GRK3: variants seen among roughly 807,000 people sequenced by gnomAD.
The protein encoded by GRK3 is adrenergic, beta, receptor kinase 2.
In GRK3, 54 loss-of-function variants were observed where a neutral mutation model predicts 95.7. The observed-to-expected ratio is 0.56, with a 90% CI of 0.45 to 0.71. GRK3 has a LOEUF of 0.71. Among genes scored for constraint, GRK3 ranks in the 30% least tolerant of loss-of-function variants. The pLI is 0.00. For synonymous variants in GRK3, 281 were observed against 290.8 expected (o/e 0.97, Z 0.34); for missense variants, 649 against 851.2 (o/e 0.76, Z 2.96).
At chr22:25,722,145 C>T (rs1431355982) in intron 20 of GRK3, 144 bp from the exon 21 acceptor site, 4 of 839,328 alleles carry the variant, frequency 4.8e-6, no homozygotes, top group African/African-American at 3.4e-5. Context: ...CGTGACCCAT[C>T]AGCTAGTAAT....
intron 2 of GRK3, among the ~76,000 whole-genome samples, chr22:25,631,197 G>A (rs988052463): frequency 2.6e-5 from 4 of 151,960 alleles, no homozygotes; most frequent in African/African-American, 9.7e-5. Flanking sequence ...CTTTATTTAT[G>A]AATTTGCTTT....
chr22:25,638,378 T>TAC (rs2084718822), intron 2 of GRK3, among the ~76,000 whole-genome samples: 1 of 152,160 alleles, frequency 6.6e-6, no homozygotes, highest in Non-Finnish European at 1.5e-5. Flanking sequence ...TTGCTTAACA[T>TAC]ACACACACAC....
rs894769897 is a variant in GRK3, at chr22:25,688,868, A to G, written c.957+1201A>G. Among the ~76,000 whole-genome samples, 4 of 152,354 alleles carry G rather than the reference A, an allele frequency of 2.6e-5. No homozygotes were observed. In the South Asian group the frequency reaches 6.2e-4, roughly 24 times the overall value. ...AGAAATGCGTAAATTGTAATAAGAAAAATGATGGGACTGACAATTTGCCAA... is the reference window on the plus strand; with the variant it reads ...AGAAATGCGTAAATTGTAATAAGAAGAATGATGGGACTGACAATTTGCCAA... On this transcript the variant is annotated intron_variant, in intron 11 of 20. Transcript: ENST00000324198.
In GRK3 at chr22:25,703,441, T is replaced by A. The variant is rs1252948821; in HGVS notation, c.1161-69T>A. On this transcript the variant is annotated intron_variant, in intron 13 of 20. Coordinates refer to ENST00000324198, the MANE Select transcript of GRK3 (RefSeq NM_005160.4). ...GATAGGACATCATACTTTACCCAAA[T>A]ATTAGTCAGTGATATGTTCTATATC... 5 of 1,215,282 alleles carry A rather than the reference T, an allele frequency of 4.1e-6. No homozygotes were observed. In the African/African-American group the frequency reaches 7.5e-5, roughly 18 times the overall value. The allele number at this position is 1,215,282 out of a possible 1,614,324, so 75.3% of individuals were successfully genotyped here.
intron 7 of GRK3, among the ~76,000 whole-genome samples, chr22:25,673,699 C>G (rs902521823): frequency 6.6e-6 from 1 of 152,062 alleles, no homozygotes; most frequent in African/African-American, 2.4e-5. Flanking sequence ...GTAGTAGGTA[C>G]TTGCTATTGT....
chr22:25,649,008 G>A, intron 3 of GRK3: 1 of 1,171,358 alleles, frequency 8.5e-7, no homozygotes, highest in South Asian at 1.2e-5. Context: ...GGTAACAAAG[G>A]GCAGAGTGCC....
chr22:25,565,175 G>C, intron 1 of GRK3, 22 bp downstream of exon 1: 1 of 1,402,444 alleles, frequency 7.1e-7, no homozygotes. Context: ...CCCGGCCGGC[G>C]CCGGCCCCAA....
At chr22:25,693,779 T>G (rs1165177539) in intron 12 of GRK3, among the ~76,000 whole-genome samples, 2 of 112,230 alleles carry the variant, frequency 1.8e-5, no homozygotes, top group Non-Finnish European at 3.1e-5. Context: ...AAATTCTTTT[T>G]TTTTTTTTTT....
rs746192684 is a variant in GRK3 at position 25,703,516 on chromosome 22, C to T, written c.1167C>T (p.Ser389=). The change falls in exon 14 of 21, where the codon AGC becomes AGT. Residue 389 remains serine (S), a synonymous_variant. Coordinates refer to ENST00000324198, the MANE Select transcript of GRK3 (RefSeq NM_005160.4). ...CMLFKLLRGH[S]PFRQHKTKDK... is the part of the protein sequence containing the mutation. ...CAATTCTTTATTTCTACAGTCACAG[C>T]CCTTTCAGACAACATAAAACCAAAG... 2.5e-6 allele frequency: 4 copies of T among 1,611,590 alleles called. No individual in the cohort carries two copies. Among genetic ancestry groups the T allele is most frequent in the Non-Finnish European group, 3.4e-6 (4 of 1,177,984 alleles).
intron 6 of GRK3, among the ~76,000 whole-genome samples, chr22:25,671,229 A>ACTC (rs2146412715): frequency 6.6e-6 from 1 of 151,382 alleles, no homozygotes; most frequent in East Asian, 1.9e-4. Flanking sequence ...AGTCCCAGCT[A>ACTC]CTCCGGAGGC....
At chr22:25,651,660 T>C (rs2084831707) in intron 3 of GRK3, among the ~76,000 whole-genome samples, 1 of 152,236 alleles carries the variant, frequency 6.6e-6, no homozygotes, top group African/African-American at 2.4e-5. Flanking sequence ...TGTTATGTAC[T>C]AAATCTGATC....
intron 3 of GRK3, chr22:25,648,323 CACAGA>C (rs2084802107): frequency 8.4e-7 from 1 of 1,187,412 alleles, no homozygotes; most frequent in East Asian, 2.3e-5. Context: ...CAAAACACTA[CACAGA>C]ACATGCTGAT....
At chr22:25,594,946 A>G (rs1034705967) in intron 1 of GRK3, among the ~76,000 whole-genome samples, 2 of 152,192 alleles carry the variant, frequency 1.3e-5, no homozygotes, top group Non-Finnish European at 2.9e-5. Context: ...ATAGACGTGG[A>G]AAAAGCTTTC....
At chr22:25,597,010 C>T (rs1385280622) in intron 1 of GRK3, among the ~76,000 whole-genome samples, 1 of 152,180 alleles carries the variant, frequency 6.6e-6, no homozygotes, top group African/African-American at 2.4e-5. Flanking sequence ...CCTCCTTCTC[C>T]CTGTAGGCAG....
intron 1 of GRK3, among the ~76,000 whole-genome samples, chr22:25,587,892 C>T (rs5752115): frequency 0.09 from 11,339 of 125,488 alleles, 84 homozygotes; most frequent in African/African-American, 0.26. Context: ...TCCCCAGCCA[C>T]ATGGAACTAT....
chr22:25,669,165 T>C (rs1025165572), intron 6 of GRK3, among the ~76,000 whole-genome samples: 1 of 152,178 alleles, frequency 6.6e-6, no homozygotes, highest in Non-Finnish European at 1.5e-5. Flanking sequence ...CATGTAGCCT[T>C]TGACCTCATA....
rs2085485833 is a variant in GRK3 at position 25,727,750 on chromosome 22, A to C, written c.*5300A>C. On this transcript the variant is annotated 3_prime_UTR_variant, in exon 21 of 21. Transcript: ENST00000324198. ...TTTTTAATTTTGTCCTAAATATCAG[A>C]TGTCTTTGATGTAAGGGTAGGGAAT... 1 of 152,180 alleles carries C rather than the reference A, an allele frequency of 6.6e-6. No homozygotes were observed. Among genetic ancestry groups the C allele is most frequent in the African/African-American group, 2.4e-5 (1 of 41,452 alleles). The allele number at this position is 152,180 out of a possible 1,614,324, so 9.4% of individuals were successfully genotyped here.
chr22:25,694,961 A>T (rs2085195195), intron 12 of GRK3, 146 bp from the exon 13 acceptor site: 1 of 555,702 alleles, frequency 1.8e-6, no homozygotes, highest in East Asian at 2.8e-5. Flanking sequence ...TGTTCAGTGC[A>T]TCACGTTTGC....
intron 2 of GRK3, among the ~76,000 whole-genome samples, chr22:25,628,503 G>T (rs1417021727): frequency 2.6e-5 from 4 of 152,190 alleles, no homozygotes; most frequent in Non-Finnish European, 4.4e-5. Context: ...ATGCCATGCG[G>T]TTATAAAAGA....
Sources: allele counts gnomAD v4.1 joint callset (sites outside exome capture counted in the v4.1 genomes callset), GRCh38; gene constraint gnomAD v4.1.1; transcripts MANE v1.5; gene names NCBI Gene and HGNC (gene_info 2026-07-23, HGNC 2026-07-21).